The following CLCN6 variants were observed in gnomAD, a reference collection of about 807,000 sequenced individuals.
The protein encoded by CLCN6 is Cl-/H+ antiporter 6.
A neutral mutation model predicts 109.8 loss-of-function variants in CLCN6; 70 were observed. That is an observed-to-expected ratio of 0.64 (90% confidence interval 0.53 to 0.78). The LOEUF (loss-of-function observed/expected upper bound fraction) is 0.78. CLCN6 is among the 30% of genes least tolerant of loss of function. The pLI, the probability that CLCN6 is intolerant of heterozygous loss-of-function variation, is 0.00. For missense variants in CLCN6, 984 were observed against 1,142.3 expected, an observed-to-expected ratio of 0.86 and a Z score of 2.00; for synonymous variants, 444 against 447.8, an observed-to-expected ratio of 0.99 and a Z score of 0.11.
In CLCN6 at chr1:11,837,370, T is replaced by C. The variant is rs772003133; in HGVS notation, c.2166T>C (p.Pro722=). 1 of 1,613,790 alleles carries C rather than the reference T, an allele frequency of 6.2e-7. No homozygotes were observed. Among genetic ancestry groups the C allele is most frequent in the Non-Finnish European group, 8.5e-7 (1 of 1,179,684 alleles). The change falls in exon 20 of 23, where the codon CCT becomes CCC. Residue 722 remains proline (P), a synonymous_variant. Transcript: ENST00000346436. ...ACACTCCCTACCCCAACCTATACCC[T>C]GACCAGTCCCCAAGTGAAGACTGGA... is the stretch of plus-strand genomic sequence containing the variant. ...RRYTPYPNLY[P]DQSPSEDWTM...
rs934674923 is a variant in CLCN6, at chr1:11,834,808, C to T, written c.1793+218C>T. Among the ~76,000 whole-genome samples the T allele has an allele frequency of 3.3e-5, 5 of 152,112 alleles. No individual in the cohort carries two copies. The highest frequency in any genetic ancestry group is 5.9e-5 in the Non-Finnish European group (4 of 68,012). ...ACGGGCACTGTGGGACTGCAGTGGG[C>T]AGGGCCTCTTCGTGGTGGTTTGACT... On this transcript the variant is annotated intron_variant, in intron 17 of 22. Coordinates refer to ENST00000346436, the MANE Select transcript of CLCN6 (RefSeq NM_001286.5). This position sits in a 1 kb window ranked among gnomAD's most constrained non-coding sequence, Gnocchi z 4.5.
chr1:11,837,414 G>A lies in CLCN6; in HGVS notation c.2210G>A (p.Arg737His), dbSNP rs1488320162. ...SEDWTMEERFRPLTFHGLILR... is the reference protein window; with the variant it reads ...SEDWTMEERFHPLTFHGLILR... ...GACTGGACCATGGAGGAGCGGTTCCGCCCTCTGACCTTCCACGGCCTGATC... is the reference window on the plus strand; with the variant it reads ...GACTGGACCATGGAGGAGCGGTTCCACCCTCTGACCTTCCACGGCCTGATC... Residue 737 changes from arginine (R) to histidine (H), a missense_variant, in exon 20 of 23, where the codon CGC becomes CAC. Arg to His is a conservative substitution (Grantham distance 29). Transcript: ENST00000346436. The A allele has an allele frequency of 3.7e-6, 6 of 1,614,034 alleles. No homozygotes were observed. The highest frequency in any genetic ancestry group is 5.1e-6 in the Non-Finnish European group (6 of 1,180,002).
intron 5 of CLCN6, among the ~76,000 whole-genome samples, chr1:11,821,025 G>A (rs574866786): frequency 5.8e-4 from 84 of 145,042 alleles, no homozygotes; most frequent in Admixed American, 5.6e-3. Context: ...GCAGTGAGCC[G>A]AGATCGCGCC....
At position 11,829,189 on chromosome 1, in the gene CLCN6, C is replaced by T; in HGVS notation, c.1122-7C>T. On this transcript the variant is annotated splice_polypyrimidine_tract_variant and splice_region_variant and intron_variant, in intron 12 of 22. Coordinates refer to ENST00000346436, the MANE Select transcript of CLCN6 (RefSeq NM_001286.5). Reference sequence around the variant, plus strand: ...TGGCGTTGTAACAGCTGTGCTTTGCCTCCTAGAGTCTTAGAGAGCCTCCTT... The same window carrying T: ...TGGCGTTGTAACAGCTGTGCTTTGCTTCCTAGAGTCTTAGAGAGCCTCCTT... 1 of 1,613,430 alleles carries T rather than the reference C, an allele frequency of 6.2e-7. No homozygotes were observed. Among genetic ancestry groups the T allele is most frequent in the Non-Finnish European group, 8.5e-7 (1 of 1,179,698 alleles).
At chr1:11,823,942 G>T in intron 7 of CLCN6, 109 bp downstream of exon 7, 1 of 1,391,786 alleles carries the variant, frequency 7.2e-7, no homozygotes, top group Admixed American at 2.1e-5. Flanking sequence ...GCCTCAAACA[G>T]CTGATGTCTG....
chr1:11,827,598 G>A (rs1043783902), intron 10 of CLCN6, among the ~76,000 whole-genome samples: 4 of 152,122 alleles, frequency 2.6e-5, no homozygotes, highest in African/African-American at 7.2e-5. Context: ...ACCGCATCCA[G>A]CTAATTTTTG....
intron 5 of CLCN6, among the ~76,000 whole-genome samples, chr1:11,821,183 C>T (rs1466491241): frequency 6.6e-6 from 1 of 151,906 alleles, no homozygotes; most frequent in Non-Finnish European, 1.5e-5. Flanking sequence ...CAATAAAACA[C>T]CATAAATAAA....
At chr1:11,821,074 CAAAAAACAACAACA>C (rs1553190960) in intron 5 of CLCN6, among the ~76,000 whole-genome samples, 94 of 99,848 alleles carry the variant, frequency 9.4e-4, no homozygotes, top group African/African-American at 3.5e-3. Flanking sequence ...AAAACTGTCT[CAAAAAACAACAACA>C]AAAAAAAAAA....
At chr1:11,824,633 C>A in intron 8 of CLCN6, 80 bp downstream of exon 8, 2 of 1,122,512 alleles carry the variant, frequency 1.8e-6, no homozygotes, top group Non-Finnish European at 1.3e-6. Flanking sequence ...TCCATTGGGA[C>A]ACCCTGACAT....
chr1:11,838,008 C>T (rs1234999643), intron 20 of CLCN6, among the ~76,000 whole-genome samples: 1 of 152,186 alleles, frequency 6.6e-6, no homozygotes, highest in African/African-American at 2.4e-5. Flanking sequence ...TTGGCCATAT[C>T]TTTTGGTGGG....
chr1:11,840,116 G>A, intron 22 of CLCN6, 27 bp from the exon 23 acceptor site: 2 of 1,603,340 alleles, frequency 1.2e-6, no homozygotes, highest in Non-Finnish European at 1.7e-6. Context: ...TACCCTGAAG[G>A]TGACTCAGGC....
At chr1:11,809,137 G>A (rs1378796371) in intron 2 of CLCN6, among the ~76,000 whole-genome samples, 2 of 152,036 alleles carry the variant, frequency 1.3e-5, no homozygotes, top group Non-Finnish European at 2.9e-5. Context: ...GGGATTACAG[G>A]TATGAGCCAC....
Position 11,834,515 on chromosome 1 carries a change from AG to A in CLCN6, c.1721del (p.Gly574AlafsTer26). 6.2e-7 allele frequency: 1 copy of A among 1,614,020 alleles called. No individual in the cohort carries two copies. Among genetic ancestry groups the A allele is most frequent in the Non-Finnish European group, 8.5e-7 (1 of 1,179,994 alleles). ...AAATGGACAGGGGACTTTTTCAATA[AG>A]GGCATTTATGATATCCACGTGGGCC... ...VAKWTGDFFN[K>X]GIYDIHVGLR... On this transcript the variant is annotated frameshift_variant, in exon 17 of 23. Transcript: ENST00000346436. LOFTEE classifies it high-confidence loss of function. The surrounding 1 kb of genome is among the most constrained non-coding windows in gnomAD (Gnocchi z 4.5).
intron 2 of CLCN6, among the ~76,000 whole-genome samples, chr1:11,813,975 G>A (rs972239508): frequency 4.6e-5 from 7 of 151,820 alleles, no homozygotes; most frequent in Non-Finnish European, 1.0e-4. Flanking sequence ...CATTTTATTG[G>A]TGTATAGTTT....
intron 6 of CLCN6, 22 bp from the exon 7 acceptor site, chr1:11,823,684 GT>G: frequency 6.2e-7 from 1 of 1,614,016 alleles, no homozygotes; most frequent in Non-Finnish European, 8.5e-7. Context: ...CGAGTTATGG[GT>G]GTGCCTGCTC....
Position 11,837,542 on chromosome 1 carries a change from G to A in CLCN6, c.2295+43G>A, listed in dbSNP as rs201650018. The A allele has an allele frequency of 2.9e-5, 46 of 1,590,448 alleles. No individual in the cohort carries two copies. In the East Asian group the frequency reaches 2.9e-4, roughly 10 times the overall value. On this transcript the variant is annotated intron_variant, in intron 20 of 22. Coordinates refer to ENST00000346436, the MANE Select transcript of CLCN6 (RefSeq NM_001286.5). ...AGAAATCAGCCAGGCCAGACCTGAC[G>A]AAGCTCGAGGGGTTGGGCGCTGCCG...
At position 11,834,081 on chromosome 1, in the gene CLCN6, T is replaced by C; in HGVS notation, c.1526+51T>C. 6.2e-7 allele frequency: 1 copy of C among 1,601,288 alleles called. No homozygotes were observed. The highest frequency in any genetic ancestry group is 1.1e-5 in the South Asian group (1 of 89,896). ...GCGCATGTGCATGTGTGTGCACGTG[T>C]GCGTGTGTATGCATGTGTGTGCGTG... On this transcript the variant is annotated intron_variant, in intron 15 of 22. Coordinates refer to ENST00000346436, the MANE Select transcript of CLCN6 (RefSeq NM_001286.5). The surrounding 1 kb of genome is among the most constrained non-coding windows in gnomAD (Gnocchi z 4.5).
Position 11,838,546 on chromosome 1 carries a change from A to G in CLCN6, c.2415A>G (p.Pro805=), listed in dbSNP as rs750796492. The change falls in exon 22 of 23, where the codon CCA becomes CCG. Residue 805 remains proline (P), a synonymous_variant. Coordinates refer to ENST00000346436, the MANE Select transcript of CLCN6 (RefSeq NM_001286.5). ...TGGTCTCTTTGCAGGATGTCACCCCATACATGAACCCTTCGCCTTTCACCG... is the reference window on the plus strand; with the variant it reads ...TGGTCTCTTTGCAGGATGTCACCCCGTACATGAACCCTTCGCCTTTCACCG... ...LNPRMIVDVT[P]YMNPSPFTVS... The G allele has an allele frequency of 1.2e-6, 2 of 1,609,624 alleles. No homozygotes were observed. The highest frequency in any genetic ancestry group is 1.1e-5 in the South Asian group (1 of 90,982).
intron 2 of CLCN6, among the ~76,000 whole-genome samples, chr1:11,815,478 C>T (rs1179919161): frequency 6.6e-6 from 1 of 152,152 alleles, no homozygotes; most frequent in Non-Finnish European, 1.5e-5. Context: ...TCACCACAAC[C>T]TCCACCTCCC....
Sources: gnomAD v4.1 joint callset for allele counts (sites outside exome capture counted in the v4.1 genomes callset) on GRCh38, gnomAD v4.1.1 for gene constraint, Gnocchi (gnomAD v3.1) non-coding constraint, MANE v1.5 for transcripts, NCBI Gene and HGNC (gene_info 2026-07-23, HGNC 2026-07-21) for gene names.